The following CACNG6 variants were observed in gnomAD, a reference collection of about 807,000 sequenced individuals.
CACNG6 encodes voltage-dependent calcium channel gamma-6 subunit.
In CACNG6, 21 loss-of-function variants were observed where a neutral mutation model predicts 23.9. The ratio of observed to expected loss-of-function variants is 0.88; its 90% CI spans 0.62 to 1.26. CACNG6 has a LOEUF of 1.26. CACNG6 is among the 50% of genes most tolerant of loss of function. The probability of loss-of-function intolerance (pLI) is 0.00; values close to 1 mark genes in which losing one functional copy is unlikely to be tolerated. For missense variants in CACNG6, 340 were observed against 352.9 expected (o/e 0.96, Z 0.29); for synonymous variants, 182 against 168.9 (o/e 1.08, Z -0.60).
In CACNG6 at chr19:53,997,549, C is replaced by T. The variant is rs552566551; in HGVS notation, c.332-690C>T. Among the ~76,000 whole-genome samples, 4 of 152,214 alleles carry T rather than the reference C, an allele frequency of 2.6e-5. No individual in the cohort carries two copies. The East Asian group carries it at 5.8e-4, about 22-fold the overall frequency. On this transcript the variant is annotated intron_variant, in intron 1 of 3. Transcript: ENST00000252729. ...AAGACTAGGAGTACCCGTTCATACA[C>T]GGTGTTTCCTCTTATCTTTTCAAAC...
At chr19:53,997,735 C>T (rs1600055249) in intron 1 of CACNG6, among the ~76,000 whole-genome samples, 1 of 152,174 alleles carries the variant, frequency 6.6e-6, no homozygotes, top group East Asian at 1.9e-4. Context: ...CTATTCATAC[C>T]CTTTGCCCAT....
chr19:54,011,531 G>T (rs415129), intron 3 of CACNG6, among the ~76,000 whole-genome samples: 2 of 150,564 alleles, frequency 1.3e-5, no homozygotes, highest in Admixed American at 6.6e-5. Context: ...CGTTTCTCCC[G>T]TCTAGCTGTG....
intron 3 of CACNG6, among the ~76,000 whole-genome samples, chr19:54,004,821 T>C (rs537726007): frequency 2.3e-4 from 35 of 152,228 alleles, no homozygotes; most frequent in African/African-American, 7.9e-4. Flanking sequence ...AAGTCTCTGG[T>C]CAAATGTCAC....
rs1015408238 is a variant in CACNG6, at chr19:54,002,808, C to T, written c.544+3037C>T. Among the ~76,000 whole-genome samples, 3 of 152,092 alleles carry T rather than the reference C, an allele frequency of 2.0e-5. No individual in the cohort carries two copies. The East Asian group carries it at 5.8e-4, about 29-fold the overall frequency. On this transcript the variant is annotated intron_variant, in intron 3 of 3. Coordinates refer to ENST00000252729, the MANE Select transcript of CACNG6 (RefSeq NM_145814.2). ...TGTTGTAATTACTGTGGTTAGATTGCGTGTCAGGGACTGGGGCAGGTTGGG... is the reference window on the plus strand; with the variant it reads ...TGTTGTAATTACTGTGGTTAGATTGTGTGTCAGGGACTGGGGCAGGTTGGG...
intron 3 of CACNG6, among the ~76,000 whole-genome samples, chr19:54,011,227 T>TATATATATACACACACACACAC (rs1442985544): frequency 1.0e-5 from 1 of 95,294 alleles, no homozygotes; most frequent in African/African-American, 5.8e-5. Flanking sequence ...TATATATATA[T>TATATATATACACACACACACAC]ACACACACAC....
rs1357002096 is a variant in CACNG6, at chr19:54,012,309, G to GT, written c.*127dup. 6.3e-5 allele frequency: 31 copies of GT among 489,884 alleles called. No individual in the cohort carries two copies. The highest frequency in any genetic ancestry group is 1.8e-5 in the Non-Finnish European group (5 of 278,286). 30.3% of individuals were successfully genotyped at this position (489,884 alleles called of 1,614,324 possible). ...GTGTTCTCCCTGCTCGGGGGCCCAT[G>GT]TTTTTTTACACGCCTGCCTCCTGTC... On this transcript the variant is annotated 3_prime_UTR_variant, in exon 4 of 4. Coordinates refer to ENST00000252729, the MANE Select transcript of CACNG6 (RefSeq NM_145814.2).
intron 1 of CACNG6, among the ~76,000 whole-genome samples, chr19:53,996,625 C>T (rs916679753): frequency 6.6e-6 from 1 of 151,876 alleles, no homozygotes; most frequent in Non-Finnish European, 1.5e-5. Flanking sequence ...ACTCCTGACC[C>T]CAAGTGATCT....
At chr19:53,996,406 T>C (rs1226709411) in intron 1 of CACNG6, among the ~76,000 whole-genome samples, 2 of 151,838 alleles carry the variant, frequency 1.3e-5, no homozygotes, top group African/African-American at 4.8e-5. Context: ...TCTCTTTTTT[T>C]TTTTGAGATG....
intron 3 of CACNG6, among the ~76,000 whole-genome samples, chr19:54,008,330 A>T (rs1260142676): frequency 6.6e-6 from 1 of 152,104 alleles, no homozygotes; most frequent in African/African-American, 2.4e-5. Flanking sequence ...TCCAGCCTGG[A>T]TGACAGAGTG....
intron 1 of CACNG6, among the ~76,000 whole-genome samples, chr19:53,997,692 A>T (rs1362903588): frequency 6.6e-6 from 1 of 152,092 alleles, no homozygotes; most frequent in Non-Finnish European, 1.5e-5. Context: ...CCATGGACTT[A>T]TGAGTTACCC....
chr19:54,000,134 T>C (rs2069561759), intron 3 of CACNG6, among the ~76,000 whole-genome samples: 3 of 152,232 alleles, frequency 2.0e-5, no homozygotes, highest in Non-Finnish European at 4.4e-5. Context: ...CACTGTTGCA[T>C]GCTAGGCATT....
Position 54,012,023 on chromosome 19 carries a change from AG to A in CACNG6, c.618del (p.Glu206AspfsTer24). The A allele has an allele frequency of 6.2e-7, 1 of 1,605,024 alleles. No homozygotes were observed. The highest frequency in any genetic ancestry group is 8.5e-7 in the Non-Finnish European group (1 of 1,176,322). On this transcript the variant is annotated frameshift_variant, in exon 4 of 4. Coordinates refer to ENST00000252729, the MANE Select transcript of CACNG6 (RefSeq NM_145814.2). LOFTEE classifies it high-confidence loss of function. ...VRALLQRVSP[E>X]PPPAPRLTYE... is the part of the protein sequence containing the mutation. Reference sequence around the variant, plus strand: ...GCCCTGCTGCAGAGAGTCAGCCCGGAGCCTCCCCCGGCCCCACGCCTCACCT... The same window carrying A: ...GCCCTGCTGCAGAGAGTCAGCCCGGACCTCCCCCGGCCCCACGCCTCACCT...
In CACNG6 at chr19:53,991,873, C is replaced by T. The variant is rs1293396137; in HGVS notation, c.-1005C>T. 6.6e-6 allele frequency among the ~76,000 whole-genome samples: 1 copy of T among 152,162 alleles called. No individual in the cohort carries two copies. Among genetic ancestry groups the T allele is most frequent in the African/African-American group, 2.4e-5 (1 of 41,428 alleles). ...AAGGGGCGCAGCGTCTCTTGCGGGT[C>T]GCGGTTGGCCTTTGAACCCTGGGGG... On this transcript the variant is annotated 5_prime_UTR_variant, in exon 1 of 4. Transcript: ENST00000252729.
chr19:53,993,071 T>G lies in CACNG6; in HGVS notation c.194T>G (p.Leu65Arg). The change falls in exon 1 of 4, where the codon CTC becomes CGC. Residue 65 changes from leucine to arginine, a missense_variant. Physicochemically the swap from Leu to Arg is moderately radical, Grantham distance 102 (BLOSUM62 -2). Coordinates refer to ENST00000252729, the MANE Select transcript of CACNG6 (RefSeq NM_145814.2). ...LSVGTEFWVELNTYKANGSAV... is the reference protein window; with the variant it reads ...LSVGTEFWVERNTYKANGSAV... The stretch of plus-strand genomic sequence containing the variant: ...GTGGGCACCGAGTTCTGGGTGGAGC[T>G]CAACACCTACAAGGCCAACGGCAGC... The G allele has an allele frequency of 6.5e-7, 1 of 1,537,448 alleles. No homozygotes were observed. The highest frequency in any genetic ancestry group is 1.4e-5 in the African/African-American group (1 of 71,734).
Position 53,992,852 on chromosome 19 carries a change from C to T in CACNG6, c.-26C>T, listed in dbSNP as rs765445283. 1 of 1,365,276 alleles carries T rather than the reference C, an allele frequency of 7.3e-7. No individual in the cohort carries two copies. Among genetic ancestry groups the T allele is most frequent in the Non-Finnish European group, 9.5e-7 (1 of 1,054,320 alleles). The allele number at this position is 1,365,276 out of a possible 1,614,324, so 84.6% of individuals were successfully genotyped here. ...GCCCTTCGCCGGCTCTGCCTCCTCCCCCTTCCCGACCCCACCGGCCATAAG... is the reference window on the plus strand; with the variant it reads ...GCCCTTCGCCGGCTCTGCCTCCTCCTCCTTCCCGACCCCACCGGCCATAAG... On this transcript the variant is annotated 5_prime_UTR_variant, in exon 1 of 4. Coordinates refer to ENST00000252729, the MANE Select transcript of CACNG6 (RefSeq NM_145814.2). This position sits in a 1 kb window ranked among gnomAD's most constrained non-coding sequence, Gnocchi z 4.1.
chr19:54,010,397 G>A (rs2069693465), intron 3 of CACNG6, among the ~76,000 whole-genome samples: 1 of 151,916 alleles, frequency 6.6e-6, no homozygotes, highest in Non-Finnish European at 1.5e-5. Flanking sequence ...TGATCCAATC[G>A]CTTCAGTCTC....
At chr19:53,993,385 G>GA (rs1214405794) in intron 1 of CACNG6, among the ~76,000 whole-genome samples, 177 bp downstream of exon 1, 1 of 152,122 alleles carries the variant, frequency 6.6e-6, no homozygotes, top group African/African-American at 2.4e-5. Flanking sequence ...ACTGCTGAGA[G>GA]ATAGAGGGAT....
At chr19:54,002,275 G>GTTTTTTTTTTTTTTTTTTTTTTTTT (rs1174799698) in intron 3 of CACNG6, among the ~76,000 whole-genome samples, 5 of 116,434 alleles carry the variant, frequency 4.3e-5, no homozygotes, top group African/African-American at 1.4e-4. Context: ...CGGTTTTTTT[G>GTTTTTTTTTTTTTTTTTTTTTTTTT]TTTTTTTTGT....
chr19:53,994,450 G>A (rs781583685), intron 1 of CACNG6, among the ~76,000 whole-genome samples: 2 of 151,964 alleles, frequency 1.3e-5, no homozygotes, highest in Non-Finnish European at 2.9e-5. Flanking sequence ...TCCCTGACAC[G>A]CCACGCCACG....
Sources: allele counts gnomAD v4.1 joint callset (sites outside exome capture counted in the v4.1 genomes callset), GRCh38; gene constraint gnomAD v4.1.1; non-coding constraint Gnocchi (gnomAD v3.1); transcripts MANE v1.5; gene names NCBI Gene and HGNC (gene_info 2026-07-23, HGNC 2026-07-21).